The following MECOM variants were observed in gnomAD, a reference collection of about 807,000 sequenced individuals.
MECOM encodes the protein histone-lysine N-methyltransferase MECOM.
MECOM carries 13 observed loss-of-function variants against 116.3 expected under a neutral mutation model. The ratio of observed to expected loss-of-function variants is 0.11; its 90% confidence interval spans 0.07 to 0.18. MECOM has a LOEUF of 0.18. Ranked by LOEUF, MECOM falls within the 10% of genes least tolerant of loss-of-function variation. The pLI, the probability that MECOM is intolerant of heterozygous loss-of-function variation, is 1.00. For missense variants in MECOM, 1,299 were observed against 1,509.0 expected, an observed-to-expected ratio of 0.86 and a Z score of 2.31; for synonymous variants, 528 against 535.2, an observed-to-expected ratio of 0.99 and a Z score of 0.19.
intron 8 of MECOM, among the ~76,000 whole-genome samples, chr3:169,113,781 T>C (rs1471601420): frequency 1.3e-5 from 2 of 152,160 alleles, no homozygotes; most frequent in African/African-American, 4.8e-5. Flanking sequence ...ATATGTGATA[T>C]ATGTGTGTTG....
At position 169,147,581 on chromosome 3, in the gene MECOM, C is replaced by A. The variant is rs369619510; in HGVS notation, c.376-3749G>T. ...AAGACCCAAGTCCTATAGGGACAGA[C>A]TGATTATGGATGCACCATCCCCCTT... On this transcript the variant is annotated intron_variant, in intron 2 of 16. Transcript: ENST00000651503. The A allele has an allele frequency of 3.0e-5, 30 of 985,390 alleles. No individual in the cohort carries two copies. The East Asian group carries it at 8.0e-4, about 26-fold the overall frequency. The allele number at this position is 985,390 out of a possible 1,614,324, so 61.0% of individuals were successfully genotyped here.
intron 1 of MECOM, among the ~76,000 whole-genome samples, chr3:169,402,777 T>C (rs908420012): frequency 6.6e-6 from 1 of 152,218 alleles, no homozygotes; most frequent in African/African-American, 2.4e-5. Flanking sequence ...GCCTTTATAT[T>C]GATCACCCTT....
intron 2 of MECOM, chr3:169,146,460 C>G: frequency 7.2e-7 from 1 of 1,385,930 alleles, no homozygotes; most frequent in Non-Finnish European, 9.6e-7. Context: ...GGCCGACAAG[C>G]CGGCAGAGAA....
chr3:169,224,344 A>T (rs1001565273), intron 2 of MECOM, among the ~76,000 whole-genome samples: 5 of 152,188 alleles, frequency 3.3e-5, no homozygotes, highest in African/African-American at 1.2e-4. Context: ...AATTCAAAGC[A>T]ATGGCAAGAA....
In MECOM at chr3:169,093,083, A is replaced by G. The variant is rs761540867; in HGVS notation, c.3039T>C (p.Pro1013=). The G allele has an allele frequency of 3.1e-6, 5 of 1,612,082 alleles. No individual in the cohort carries two copies. In the African/African-American group the frequency reaches 4.0e-5, roughly 13 times the overall value. Residue 1013 remains proline (P), a synonymous_variant, in exon 14 of 17, where the codon CCT becomes CCC. Transcript: ENST00000651503. ...GNMSGTATSS[P]HSELESTGAI... ...CACCTGTACTTTCCAGTTCAGAATG[A>G]GGCGACGATGTTGCTGTACCTGTGT...
At chr3:169,279,668 A>C (rs914662704) in intron 2 of MECOM, among the ~76,000 whole-genome samples, 9 of 152,220 alleles carry the variant, frequency 5.9e-5, no homozygotes, top group Admixed American at 2.0e-4. Context: ...TAGCATAATC[A>C]AATCTATTGC....
chr3:169,384,393 T>C (rs1360903587), intron 1 of MECOM, among the ~76,000 whole-genome samples: 1 of 152,134 alleles, frequency 6.6e-6, no homozygotes, highest in East Asian at 1.9e-4. Flanking sequence ...ATCAGAGAAG[T>C]ATACTTTAAG....
At chr3:169,145,843 G>A (rs1308756001) in intron 2 of MECOM, 1 of 213,172 alleles carries the variant, frequency 4.7e-6, no homozygotes, top group African/African-American at 2.3e-5. Flanking sequence ...TTTTAAAAAG[G>A]TTCATTTCCA....
chr3:169,166,052 G>A (rs1365787311), intron 2 of MECOM, among the ~76,000 whole-genome samples: 2 of 152,058 alleles, frequency 1.3e-5, no homozygotes, highest in African/African-American at 4.8e-5. Context: ...TAACTGTAGG[G>A]AGAAATTCTC....
At chr3:169,369,459 G>T (rs1274417220) in intron 2 of MECOM, among the ~76,000 whole-genome samples, 1 of 140,962 alleles carries the variant, frequency 7.1e-6, no homozygotes, top group Non-Finnish European at 1.5e-5. Context: ...CAATCTTCCT[G>T]CCTCAGTCTC....
At chr3:169,240,478 G>A (rs934541882) in intron 2 of MECOM, among the ~76,000 whole-genome samples, 26 of 152,156 alleles carry the variant, frequency 1.7e-4, no homozygotes, top group African/African-American at 6.0e-4. Context: ...AAAGGGACTC[G>A]TCTAAAATCT....
intron 1 of MECOM, among the ~76,000 whole-genome samples, chr3:169,542,325 GA>G (rs553126024): frequency 3.1e-3 from 434 of 140,450 alleles, no homozygotes; most frequent in African/African-American, 0.01. Flanking sequence ...TTGTCTTCTA[GA>G]AAAAAAAAAA....
At position 169,115,395 on chromosome 3, in the gene MECOM, T is replaced by C; in HGVS notation, c.2477A>G (p.Asp826Gly). 1 of 1,613,792 alleles carries C rather than the reference T, an allele frequency of 6.2e-7. No homozygotes were observed. The highest frequency in any genetic ancestry group is 8.5e-7 in the Non-Finnish European group (1 of 1,179,886). Residue 826 changes from aspartate to glycine, a missense_variant, in exon 8 of 17, where the codon GAC (aspartate) becomes GGC (glycine). Asp to Gly is a moderately conservative substitution (Grantham distance 94). Around this residue, in one of 6 missense-constraint regions of MECOM, gnomAD observed 340 missense variants for 312.6 expected, o/e 1.09. Coordinates refer to ENST00000651503, the MANE Select transcript of MECOM (RefSeq NM_004991.4). ...CATACACGCTTACCTGTAAATAGGG[T>C]CCATAAAGAAAGGAGTGGGTCTTGC... Reference protein sequence around the residue: ...QHARPTPFFMDPIYRVEKRKL... With the variant: ...QHARPTPFFMGPIYRVEKRKL...
chr3:169,401,632 A>G (rs1735921100), intron 1 of MECOM, among the ~76,000 whole-genome samples: 1 of 152,186 alleles, frequency 6.6e-6, no homozygotes, highest in African/African-American at 2.4e-5. Context: ...GGCTGTCAAG[A>G]AGTGGCCACA....
chr3:169,157,790 C>T (rs1742210897), intron 2 of MECOM, among the ~76,000 whole-genome samples: 1 of 152,122 alleles, frequency 6.6e-6, no homozygotes, highest in Admixed American at 6.6e-5. Context: ...TTTGCTAACA[C>T]AGTGCCCTAC....
In MECOM at chr3:169,115,523, G is replaced by A. The variant is rs1198061647; in HGVS notation, c.2349C>T (p.Ala783=). ...GAGGCTCAGTCAGCTTTGTCCCACT[G>A]GCTCTACTCCTACTGCCCATACTTA... ...LDLSMGSRSR[A]SGTKLTEPRK... Residue 783 remains alanine (A), a synonymous_variant, in exon 8 of 17, where the codon GCC becomes GCT. Coordinates refer to ENST00000651503, the MANE Select transcript of MECOM (RefSeq NM_004991.4). The A allele has an allele frequency of 5.0e-6, 8 of 1,613,974 alleles. No individual in the cohort carries two copies. The highest frequency in any genetic ancestry group is 5.9e-6 in the Non-Finnish European group (7 of 1,180,032).
At chr3:169,487,899 T>C (rs556296334) in intron 1 of MECOM, among the ~76,000 whole-genome samples, 2 of 152,180 alleles carry the variant, frequency 1.3e-5, no homozygotes, top group East Asian at 3.9e-4. Flanking sequence ...CAAAGTATAC[T>C]TCAATGAAAA....
At chr3:169,535,435 G>C (rs554083005) in intron 1 of MECOM, among the ~76,000 whole-genome samples, 8 of 152,188 alleles carry the variant, frequency 5.3e-5, no homozygotes, top group African/African-American at 1.2e-4. Flanking sequence ...AGAAAATATA[G>C]GTAGAGACAT....
chr3:169,116,330 T>A lies in MECOM; in HGVS notation c.1542A>T (p.Gly514=). The part of the protein sequence containing the change: ...PLIPASSPVK[G]LSSTEQTNKS... ...TGTTTGTCTGTTCAGTACTTGATAG[T>A]CCTTTAACAGGAGAACTAGCAGGTA... is the stretch of plus-strand genomic sequence containing the variant. The change falls in exon 8 of 17, where the codon GGA becomes GGT. Residue 514 remains glycine, a synonymous_variant. Transcript: ENST00000651503. 1 of 1,614,126 alleles carries A rather than the reference T, an allele frequency of 6.2e-7. No homozygotes were observed. Among genetic ancestry groups the A allele is most frequent in the South Asian group, 1.1e-5 (1 of 91,080 alleles).
Sources: gnomAD v4.1 joint callset for allele counts (sites outside exome capture counted in the v4.1 genomes callset) on GRCh38, gnomAD v4.1.1 for gene constraint, gnomAD v4.1.1 regional missense constraint, MANE v1.5 for transcripts, NCBI Gene and HGNC (gene_info 2026-07-23, HGNC 2026-07-21) for gene names.